HHATL: variants seen among roughly 807,000 people sequenced by gnomAD.
HHATL encodes hedgehog acyltransferase like, also known as protein-cysteine N-palmitoyltransferase HHAT-like protein.
Under a neutral mutation model 59.7 loss-of-function variants are expected in HHATL, and 49 were observed. The observed-to-expected ratio is 0.82, with a 90% CI of 0.65 to 1.04. The LOEUF (loss-of-function observed/expected upper bound fraction) is 1.04, where lower values mean the gene tolerates loss of function less well. HHATL is among the 50% of genes least tolerant of loss of function. The pLI is 0.00. For synonymous variants in HHATL, 238 were observed against 257.3 expected, an observed-to-expected ratio of 0.93 and a Z score of 0.72; for missense variants, 605 against 650.8, an observed-to-expected ratio of 0.93 and a Z score of 0.77.
intron 7 of HHATL, 142 bp from the exon 8 acceptor site, chr3:42,697,287 T>C (rs1486658797): frequency 1.7e-6 from 2 of 1,197,808 alleles, no homozygotes; most frequent in Non-Finnish European, 2.3e-6. Context: ...AAATCAGTCA[T>C]GCCTGGTGAA....
chr3:42,694,128 A>C, intron 9 of HHATL: 1 of 393,304 alleles, frequency 2.5e-6, no homozygotes, highest in Non-Finnish European at 4.7e-6. Flanking sequence ...CCTGATTTGT[A>C]TATGCAATTG....
chr3:42,692,848 A>T lies in HHATL; in HGVS notation c.1418T>A (p.Leu473Gln). Residue 473 changes from leucine (L) to glutamine (Q), a missense_variant, in exon 12 of 12, where the codon CTG becomes CAG. By Grantham distance (113) the Leu-to-Gln change is moderately radical. Coordinates refer to ENST00000441594, the MANE Select transcript of HHATL (RefSeq NM_020707.4). ...CTGGACGCCACAGTAGGTGACAAAC[A>T]GGATGGACAGCGTGGTCTGGGGGAA... ...TGFPQTTLSI[L>Q]FVTYCGVQLV... 1.2e-6 allele frequency: 2 copies of T among 1,614,170 alleles called. No individual in the cohort carries two copies. The highest frequency in any genetic ancestry group is 1.7e-6 in the Non-Finnish European group (2 of 1,180,026).
At chr3:42,694,992 G>A (rs150906722) in intron 9 of HHATL, among the ~76,000 whole-genome samples, 50 of 152,280 alleles carry the variant, frequency 3.3e-4, no homozygotes, top group African/African-American at 1.1e-3. Flanking sequence ...GTTCACTGCT[G>A]TATCCCCAGT....
Position 42,698,825 on chromosome 3 carries a change from CA to C in HHATL, c.365del (p.Leu122ArgfsTer36), listed in dbSNP as rs778623738. 8 of 1,610,258 alleles carry C rather than the reference CA, an allele frequency of 5.0e-6. No homozygotes were observed. In the Admixed American group the frequency reaches 1.3e-4, roughly 27 times the overall value. ...GTMGPWYLLLLLGHCVGLYVA... is the reference protein window; with the variant it reads ...GTMGPWYLLLXLGHCVGLYVA... ...CATAGAGGCCCACACAGTGACCAAG[CA>C]GCAGCAGCAGGTACCAAGGGCCCAT... On this transcript the variant is annotated frameshift_variant, in exon 5 of 12. Coordinates refer to ENST00000441594, the MANE Select transcript of HHATL (RefSeq NM_020707.4). LOFTEE classifies it high-confidence loss of function.
At chr3:42,697,249 G>A (rs1217122630) in intron 7 of HHATL, 104 bp from the exon 8 acceptor site, 50 of 1,376,866 alleles carry the variant, frequency 3.6e-5, no homozygotes, top group Middle Eastern at 2.7e-4. Flanking sequence ...GGCTCTGCCC[G>A]CCCCACGGAG....
chr3:42,696,330 C>T (rs1484298195), intron 9 of HHATL, among the ~76,000 whole-genome samples: 1 of 152,142 alleles, frequency 6.6e-6, no homozygotes, highest in Non-Finnish European at 1.5e-5. Flanking sequence ...ACACCACTCC[C>T]TCTCCTGAGG....
intron 1 of HHATL, among the ~76,000 whole-genome samples, chr3:42,702,127 G>A (rs1698022534): frequency 6.6e-6 from 1 of 152,224 alleles, no homozygotes; most frequent in Non-Finnish European, 1.5e-5. Context: ...CACTGCCCCT[G>A]CCCACAGCAG....
chr3:42,701,142 C>G lies in HHATL; in HGVS notation c.-13-303G>C. The G allele has an allele frequency of 2.8e-6, 1 of 351,592 alleles. No individual in the cohort carries two copies. The highest frequency in any genetic ancestry group is 4.9e-5 in the East Asian group (1 of 20,254). The allele number at this position is 351,592 out of a possible 1,614,324, so 21.8% of individuals were successfully genotyped here. ...TTTACATCTTCATACCTTCCAGAGG[C>G]ACCGGCCCCACCCTCTGCCAAAACC... is the stretch of plus-strand genomic sequence containing the variant. On this transcript the variant is annotated intron_variant, in intron 1 of 11. Coordinates refer to ENST00000441594, the MANE Select transcript of HHATL (RefSeq NM_020707.4). This position sits in a 1 kb window ranked among gnomAD's most constrained non-coding sequence, Gnocchi z 5.1.
At position 42,697,075 on chromosome 3, in the gene HHATL, A is replaced by G; in HGVS notation, c.936T>C (p.Thr312=). The change falls in exon 8 of 12, where the codon ACT becomes ACC. Residue 312 remains threonine (T), a synonymous_variant. Coordinates refer to ENST00000441594, the MANE Select transcript of HHATL (RefSeq NM_020707.4). ...GGTCCAGGTGGTCGAGGCATGCCACAGTGTTGACAACACCAAAGAGGACGG... is the reference window on the plus strand; with the variant it reads ...GGTCCAGGTGGTCGAGGCATGCCACGGTGTTGACAACACCAAAGAGGACGG... The part of the protein sequence containing the change: ...KAAVLFGVVN[T]VACLDHLDPP... The G allele has an allele frequency of 6.3e-7, 1 of 1,582,700 alleles. No individual in the cohort carries two copies. Among genetic ancestry groups the G allele is most frequent in the Non-Finnish European group, 8.6e-7 (1 of 1,163,088 alleles).
intron 1 of HHATL, 61 bp from the exon 2 acceptor site, chr3:42,700,900 G>C: frequency 2.6e-6 from 3 of 1,168,434 alleles, no homozygotes; most frequent in Non-Finnish European, 1.3e-6. Flanking sequence ...CCCACCTCAT[G>C]GTCCCACCAC....
rs558686561 is a variant in HHATL at position 42,696,866 on chromosome 3, C to T, written c.1022G>A (p.Arg341His). The T allele has an allele frequency of 1.5e-5, 24 of 1,614,152 alleles. No homozygotes were observed. The Middle Eastern group carries it at 6.6e-4, about 44-fold the overall frequency. The change falls in exon 9 of 12, where the codon CGT (arginine) becomes CAT (histidine). Residue 341 changes from arginine (R) to histidine (H), a missense_variant. Physicochemically the swap from Arg to His is conservative, Grantham distance 29. Coordinates refer to ENST00000441594, the MANE Select transcript of HHATL (RefSeq NM_020707.4). ...LYVFAETHFD[R>H]GINDWLCKYV... is the part of the protein sequence containing the mutation. The stretch of plus-strand genomic sequence containing the variant: ...CTTGCAAAGCCAGTCGTTGATGCCA[C>T]GGTCAAAGTGCCTGTAAGAGGAAAG...
Position 42,697,785 on chromosome 3 carries a change from C to G in HHATL, c.694-106G>C. ...GGGGCAGGAGGAGCCATGGCTTTAT[C>G]CAGGAGTCCTGCCTGAGGGTGGAGA... On this transcript the variant is annotated intron_variant, in intron 6 of 11. Coordinates refer to ENST00000441594, the MANE Select transcript of HHATL (RefSeq NM_020707.4). 3 of 1,199,670 alleles carry G rather than the reference C, an allele frequency of 2.5e-6. 1 individual carries two copies. The South Asian group carries it at 4.5e-5, about 18-fold the overall frequency. The allele number at this position is 1,199,670 out of a possible 1,614,324, so 74.3% of individuals were successfully genotyped here.
In HHATL at chr3:42,701,691, C is replaced by T. The variant is rs1055625230; in HGVS notation, c.-13-852G>A. 6.6e-6 allele frequency among the ~76,000 whole-genome samples: 1 copy of T among 152,222 alleles called. No individual in the cohort carries two copies. Among genetic ancestry groups the T allele is most frequent in the Non-Finnish European group, 1.5e-5 (1 of 68,034 alleles). On this transcript the variant is annotated intron_variant, in intron 1 of 11. Transcript: ENST00000441594. The surrounding 1 kb of genome is among the most constrained non-coding windows in gnomAD (Gnocchi z 5.1). ...TCCCTCCAGCGGGGGCCTAGCTTGT[C>T]CCCTGGAGAACTGCTGGGCCGTACT...
chr3:42,699,273 T>C (rs1234805240), intron 3 of HHATL, 128 bp from the exon 4 acceptor site: 4 of 465,970 alleles, frequency 8.6e-6, no homozygotes, highest in East Asian at 6.9e-5. Flanking sequence ...TTTATTATTA[T>C]CATTTTTAAA....
intron 9 of HHATL, 79 bp from the exon 10 acceptor site, chr3:42,693,897 C>A (rs147266686): frequency 1.3e-5 from 16 of 1,196,502 alleles, no homozygotes; most frequent in Non-Finnish European, 1.7e-5. Flanking sequence ...CACAACAGGG[C>A]GTCCTCCTCA....
At chr3:42,700,250 CTGTG>C (rs1314727250) in intron 2 of HHATL, among the ~76,000 whole-genome samples, 22 of 124,986 alleles carry the variant, frequency 1.8e-4, no homozygotes, top group African/African-American at 4.0e-4. Flanking sequence ...AGGTCTCTCT[CTGTG>C]TGTGTGTGTC....
Position 42,697,025 on chromosome 3 carries a change from G to A in HHATL, c.986C>T (p.Thr329Ile), listed in dbSNP as rs1314669746. Residue 329 changes from threonine (T) to isoleucine (I), a missense_variant, in exon 8 of 12, where the codon ACC (threonine) becomes ATC (isoleucine). Coordinates refer to ENST00000441594, the MANE Select transcript of HHATL (RefSeq NM_020707.4). ...CGTTTCCGCAAAGACGTAGAGTGCG[G>A]TGATGCACTTGGGAGGCTGGGGTGG... ...LDPPQPPKCI[T>I]ALYVFAETHF... is the part of the protein sequence containing the mutation. 6 of 1,602,670 alleles carry A rather than the reference G, an allele frequency of 3.7e-6. No homozygotes were observed. Among genetic ancestry groups the A allele is most frequent in the Middle Eastern group, 1.7e-4 (1 of 6,044 alleles).
rs527729294 is a variant in HHATL at position 42,698,236 on chromosome 3, C to T, written c.599G>A (p.Arg200His). The change falls in exon 6 of 12, where the codon CGC (arginine) becomes CAC (histidine). Residue 200 changes from arginine (R) to histidine (H), a missense_variant. Physicochemically the swap from Arg to His is conservative, Grantham distance 29. Coordinates refer to ENST00000441594, the MANE Select transcript of HHATL (RefSeq NM_020707.4). ...GAGCAGGTCAGCTAAGGAGTAGTGG[C>T]GGTCAGGGTGGGCACAGCTCTCCAG... ...FALESCAHPD[R>H]HYSLADLLKY... 70 of 1,614,176 alleles carry T rather than the reference C, an allele frequency of 4.3e-5. No homozygotes were observed. Among genetic ancestry groups the T allele is most frequent in the East Asian group, 1.8e-4 (8 of 44,882 alleles).
chr3:42,701,168 G>A lies in HHATL; in HGVS notation c.-13-329C>T, dbSNP rs892907905. On this transcript the variant is annotated intron_variant, in intron 1 of 11. Transcript: ENST00000441594. This position sits in a 1 kb window ranked among gnomAD's most constrained non-coding sequence, Gnocchi z 5.1. ...ACCGGCCCCACCCTCTGCCAAAACC[G>A]CTCCTGCCAAGGCCCCCATGACCTG... The A allele has an allele frequency of 1.1e-4, 32 of 284,322 alleles. No homozygotes were observed. Among genetic ancestry groups the A allele is most frequent in the South Asian group, 4.1e-4 (6 of 14,574 alleles). 17.6% of individuals were successfully genotyped at this position (284,322 alleles called of 1,614,324 possible). A position where few individuals can be genotyped will look rare whatever the true frequency, so the allele number is the denominator to read the frequency against.
Sources: gnomAD v4.1 joint callset for allele counts (sites outside exome capture counted in the v4.1 genomes callset) on GRCh38, gnomAD v4.1.1 for gene constraint, Gnocchi (gnomAD v3.1) non-coding constraint, MANE v1.5 for transcripts, NCBI Gene and HGNC (gene_info 2026-07-23, HGNC 2026-07-21) for gene names.